Variants in LIN28B observed in about 807,000 individuals in gnomAD.
The protein encoded by LIN28B is lin-28 RNA binding posttranscriptional regulator B, also known as protein lin-28 homolog B.
In LIN28B, 5 loss-of-function variants were observed where a neutral mutation model predicts 21.9. That is an observed-to-expected ratio of 0.23 (90% CI 0.12 to 0.48). LIN28B has a LOEUF of 0.48. Among genes scored for constraint, LIN28B ranks in the 20% least tolerant of loss-of-function variants. The probability of loss-of-function intolerance (pLI) is 0.98; values close to 1 mark genes in which losing one functional copy is unlikely to be tolerated. For synonymous variants in LIN28B, 109 were observed against 111.3 expected (o/e 0.98, Z 0.13); for missense variants, 245 against 310.5 (o/e 0.79, Z 1.58).
Position 105,040,591 on chromosome 6 carries a change from T to C in LIN28B, c.383+14109T>C, listed in dbSNP as rs1208895684. On this transcript the variant is annotated intron_variant, in intron 3 of 3. Coordinates refer to ENST00000345080, the MANE Select transcript of LIN28B (RefSeq NM_001004317.4). ...TTATATGTATATTTGTATTTACATA[T>C]AATGGGGTAGGTGTTCAAAAAAAAT... Among the ~76,000 whole-genome samples the C allele has an allele frequency of 2.0e-5, 3 of 152,104 alleles. No homozygotes were observed. The East Asian group carries it at 5.8e-4, about 29-fold the overall frequency.
chr6:105,064,511 C>T (rs550840148), intron 3 of LIN28B, among the ~76,000 whole-genome samples: 2 of 152,224 alleles, frequency 1.3e-5, no homozygotes, highest in African/African-American at 4.8e-5. Flanking sequence ...AGCTGGGTTC[C>T]AGATGTTTTC....
At chr6:104,958,457 T>A (rs1172617086) in intron 2 of LIN28B, among the ~76,000 whole-genome samples, 171 bp downstream of exon 2, 1 of 152,214 alleles carries the variant, frequency 6.6e-6, no homozygotes, top group Non-Finnish European at 1.5e-5. Context: ...GGCCTTTTCC[T>A]GGGTTTTCTG....
intron 3 of LIN28B, among the ~76,000 whole-genome samples, chr6:105,030,207 A>G (rs1771390469): frequency 6.6e-6 from 1 of 152,220 alleles, no homozygotes; most frequent in Admixed American, 6.5e-5. Context: ...AAAATATTCA[A>G]TAAACATAGA....
chr6:104,976,098 C>T (rs1770088940), intron 2 of LIN28B, among the ~76,000 whole-genome samples: 1 of 152,066 alleles, frequency 6.6e-6, no homozygotes, highest in African/African-American at 2.4e-5. Flanking sequence ...GGGTTCTAGC[C>T]ACATGTAGCT....
intron 2 of LIN28B, chr6:104,941,483 G>C (rs1421973427): frequency 2.0e-5 from 3 of 149,964 alleles, no homozygotes; most frequent in Admixed American, 1.3e-4. Context: ...CAGGCCACGC[G>C]GGGGCGCAGG....
chr6:104,981,245 C>T (rs1030599821), intron 2 of LIN28B, among the ~76,000 whole-genome samples: 2 of 152,162 alleles, frequency 1.3e-5, no homozygotes, highest in Non-Finnish European at 2.9e-5. Context: ...CTTCTACCCC[C>T]ACTCACTCTT....
chr6:105,060,983 G>C (rs966400440), intron 3 of LIN28B, among the ~76,000 whole-genome samples: 2 of 151,606 alleles, frequency 1.3e-5, no homozygotes, highest in African/African-American at 4.9e-5. Flanking sequence ...CTCTAGAAAG[G>C]TACTGAGAAC....
intron 2 of LIN28B, among the ~76,000 whole-genome samples, chr6:105,021,982 A>G (rs745819163): frequency 3.3e-5 from 5 of 152,180 alleles, no homozygotes; most frequent in Non-Finnish European, 7.3e-5. Flanking sequence ...AGTTTTACTA[A>G]TGGAGGGATT....
chr6:105,031,781 C>T (rs532646368), intron 3 of LIN28B, among the ~76,000 whole-genome samples: 34 of 152,156 alleles, frequency 2.2e-4, no homozygotes, highest in Admixed American at 1.6e-3. Flanking sequence ...GTGATCCGCC[C>T]GCCTTGGCCT....
intron 2 of LIN28B, among the ~76,000 whole-genome samples, chr6:105,013,743 A>T (rs1770969953): frequency 6.6e-6 from 1 of 151,570 alleles, no homozygotes; most frequent in African/African-American, 2.4e-5. Context: ...AAAAAAATTT[A>T]CATTTTGTTA....
At chr6:105,034,486 T>C (rs1771486951) in intron 3 of LIN28B, among the ~76,000 whole-genome samples, 1 of 152,066 alleles carries the variant, frequency 6.6e-6, no homozygotes, top group Admixed American at 6.5e-5. Flanking sequence ...GTTACTACTT[T>C]TGGCTTGGAA....
At chr6:104,973,529 C>A (rs910171354) in intron 2 of LIN28B, among the ~76,000 whole-genome samples, 1 of 151,906 alleles carries the variant, frequency 6.6e-6, no homozygotes, top group Admixed American at 6.5e-5. Context: ...CTCTTTTTTC[C>A]TCCTCCCCCC....
At chr6:104,946,694 C>T (rs1778159829) in intron 2 of LIN28B, among the ~76,000 whole-genome samples, 3 of 152,014 alleles carry the variant, frequency 2.0e-5, no homozygotes, top group African/African-American at 2.4e-5. Context: ...AAAACGTTTT[C>T]TCTTGCTAGG....
chr6:104,972,999 T>G (rs982336520), intron 2 of LIN28B, among the ~76,000 whole-genome samples: 1 of 151,902 alleles, frequency 6.6e-6, no homozygotes, highest in South Asian at 2.1e-4. Context: ...TAATCCCAGC[T>G]GTTCGTGAGG....
chr6:105,063,650 A>T (rs1440481605), intron 3 of LIN28B, among the ~76,000 whole-genome samples: 1 of 145,850 alleles, frequency 6.9e-6, no homozygotes, highest in African/African-American at 2.6e-5. Context: ...GGGGGGGGGA[A>T]AAAAAGGTAA....
intron 2 of LIN28B, 70 bp from the exon 3 acceptor site, chr6:105,026,228 G>C: frequency 1.3e-6 from 1 of 782,718 alleles, no homozygotes; most frequent in Non-Finnish European, 2.0e-6. Context: ...TAAAATTATA[G>C]AGATAATTTA....
At chr6:105,018,918 C>T (rs1365092741) in intron 2 of LIN28B, among the ~76,000 whole-genome samples, 6 of 151,740 alleles carry the variant, frequency 4.0e-5, no homozygotes, top group African/African-American at 1.5e-4. Flanking sequence ...CTTTTGTTCT[C>T]TCATTTATCT....
chr6:104,982,241 G>C (rs1770239951), intron 2 of LIN28B, among the ~76,000 whole-genome samples: 1 of 151,628 alleles, frequency 6.6e-6, no homozygotes, highest in Non-Finnish European at 1.5e-5. Flanking sequence ...TTGAACCAGG[G>C]AGGCAGAGGT....
intron 3 of LIN28B, among the ~76,000 whole-genome samples, chr6:105,051,299 C>T (rs566487244): frequency 4.0e-5 from 6 of 151,018 alleles, no homozygotes; most frequent in South Asian, 2.1e-4. Flanking sequence ...ATTAGCCAGG[C>T]GTGGTGGCGT....
Sources: allele counts gnomAD v4.1 joint callset (sites outside exome capture counted in the v4.1 genomes callset), GRCh38; gene constraint gnomAD v4.1.1; transcripts MANE v1.5; gene names NCBI Gene and HGNC (gene_info 2026-07-23, HGNC 2026-07-21).